Variants in PPP1R12A observed in about 807,000 individuals in gnomAD.
PPP1R12A encodes myosin binding subunit.
A neutral mutation model predicts 139.6 loss-of-function variants in PPP1R12A; 19 were observed. The observed-to-expected ratio is 0.14, with a 90% CI of 0.09 to 0.20. The LOEUF is 0.20. Among genes scored for constraint, PPP1R12A ranks in the 10% least tolerant of loss-of-function variants. PPP1R12A has a pLI of 1.00. For missense variants in PPP1R12A, 925 were observed against 1,211.5 expected (o/e 0.76, Z 3.51); for synonymous variants, 427 against 420.6 (o/e 1.02, Z -0.19).
chr12:79,838,223 G>T (rs142258831), intron 3 of PPP1R12A, among the ~76,000 whole-genome samples: 10 of 152,368 alleles, frequency 6.6e-5, no homozygotes, highest in African/African-American at 2.2e-4. Flanking sequence ...AAAGAGACCA[G>T]TGGCATTCTG....
At chr12:79,904,497 C>T (rs1485880023) in intron 1 of PPP1R12A, among the ~76,000 whole-genome samples, 1 of 152,052 alleles carries the variant, frequency 6.6e-6, no homozygotes, top group African/African-American at 2.4e-5. Flanking sequence ...GGTACTTTCA[C>T]ATATCCCTCT....
rs1448284123 is a variant in PPP1R12A at position 79,832,472 on chromosome 12, A to G, written c.507T>C (p.Ala169=). The G allele has an allele frequency of 7.5e-6, 12 of 1,607,368 alleles. No homozygotes were observed. The highest frequency in any genetic ancestry group is 9.3e-6 in the Non-Finnish European group (11 of 1,177,606). ...VNRQGVDIEA[A]RKEEERIMLR... The stretch of plus-strand genomic sequence containing the variant: ...GCATGATCCGTTCTTCTTCCTTTCG[A>G]GCTGCTTCTATATCAACCCCTGATA... The change falls in exon 4 of 25, where the codon GCT becomes GCC. Residue 169 remains alanine, a synonymous_variant. Transcript: ENST00000450142.
chr12:79,847,005 TA>T (rs1180435420), intron 2 of PPP1R12A, among the ~76,000 whole-genome samples: 4 of 152,112 alleles, frequency 2.6e-5, no homozygotes, highest in African/African-American at 9.7e-5. Context: ...TTCGACTATA[TA>T]AAAATATTCT....
At chr12:79,817,759 A>G (rs2137101491) in intron 8 of PPP1R12A, among the ~76,000 whole-genome samples, 1 of 152,344 alleles carries the variant, frequency 6.6e-6, no homozygotes, top group East Asian at 1.9e-4. Flanking sequence ...AATAAAATGC[A>G]CAAATAGAAT....
intron 1 of PPP1R12A, among the ~76,000 whole-genome samples, chr12:79,916,451 A>G (rs60403670): frequency 0.031 from 4,768 of 152,286 alleles, 247 homozygotes; most frequent in African/African-American, 0.11. Flanking sequence ...AGCATACTGT[A>G]TAAAACTGCT....
intron 3 of PPP1R12A, among the ~76,000 whole-genome samples, chr12:79,839,636 G>T (rs1196011337): frequency 2.6e-5 from 4 of 152,086 alleles, no homozygotes; most frequent in Admixed American, 2.0e-4. Flanking sequence ...GAGATCTGAC[G>T]GTTTTAAAAG....
intron 5 of PPP1R12A, among the ~76,000 whole-genome samples, chr12:79,826,700 T>C (rs972471812): frequency 1.4e-4 from 21 of 152,334 alleles, no homozygotes; most frequent in African/African-American, 5.1e-4. Flanking sequence ...AATTAGACAA[T>C]TGTTGGCCAG....
At chr12:79,935,155 C>T (rs1390265429), upstream of PPP1R12A, 4 of 1,343,440 alleles carry the variant, frequency 3.0e-6, no homozygotes, top group Non-Finnish European at 3.8e-6. Context: ...CCTCCCGCCC[C>T]CAGCACGGCC....
chr12:79,777,684 T>TA (rs1869904135), intron 24 of PPP1R12A: 1 of 958,552 alleles, frequency 1.0e-6, no homozygotes, highest in Admixed American at 6.2e-5. Context: ...GAAATAGGAA[T>TA]AAAAAATAAG....
At chr12:79,825,540 A>G (rs1176438895) in intron 5 of PPP1R12A, 2 of 152,032 alleles carry the variant, frequency 1.3e-5, no homozygotes, top group East Asian at 3.9e-4. Flanking sequence ...TGAAATCTCT[A>G]AATATTTTTA....
intron 9 of PPP1R12A, among the ~76,000 whole-genome samples, chr12:79,815,785 T>C (rs976174258): frequency 6.6e-6 from 1 of 152,170 alleles, no homozygotes; most frequent in Non-Finnish European, 1.5e-5. Flanking sequence ...CATACATAAT[T>C]ATTATCATAT....
intron 1 of PPP1R12A, among the ~76,000 whole-genome samples, chr12:79,926,091 G>A (rs1293063612): frequency 6.6e-6 from 1 of 151,900 alleles, no homozygotes; most frequent in Non-Finnish European, 1.5e-5. Context: ...GAACACTCAA[G>A]GATTTGTTTA....
chr12:79,811,193 A>C (rs999984137), intron 9 of PPP1R12A, among the ~76,000 whole-genome samples: 1 of 152,200 alleles, frequency 6.6e-6, no homozygotes, highest in African/African-American at 2.4e-5. Context: ...CATTTGCTAT[A>C]ATTAGCAGGT....
In PPP1R12A at chr12:79,807,428, A is replaced by G. The variant is rs1873965721; in HGVS notation, c.1551-98T>C. The G allele has an allele frequency of 5.4e-6, 4 of 735,258 alleles. No homozygotes were observed. The African/African-American group carries it at 5.4e-5, about 10-fold the overall frequency. 45.5% of individuals were successfully genotyped at this position (735,258 alleles called of 1,614,324 possible). A position where few individuals can be genotyped will look rare whatever the true frequency, so the allele number is the denominator to read the frequency against. ...ATATTAGTATAAGCTGAAACTAGTA[A>G]AAACCTTTGGGAGGACACTTAGGAA... On this transcript the variant is annotated intron_variant, in intron 11 of 24. Transcript: ENST00000450142.
rs765815920 is a variant in PPP1R12A at position 79,809,884 on chromosome 12, T to C, written c.1366A>G (p.Lys456Glu). The C allele has an allele frequency of 1.1e-5, 18 of 1,613,622 alleles. No homozygotes were observed. In the Admixed American group the frequency reaches 3.0e-4, roughly 27 times the overall value. Residue 456 changes from lysine to glutamate, a missense_variant, in exon 10 of 25, where the codon AAA becomes GAA. This residue lies in a region of PPP1R12A where 403 missense variants were observed against 463.7 expected (regional missense o/e 0.87). Transcript: ENST00000450142. ...GTATCTTTTTCTTTCTGACCCTCTTTAGATGCTGTGATTTCAGCAAGTGCA... is the reference window on the plus strand; with the variant it reads ...GTATCTTTTTCTTTCTGACCCTCTTCAGATGCTGTGATTTCAGCAAGTGCA... Reference protein sequence around the residue: ...YGALAEITASKEGQKEKDTAG... With the variant: ...YGALAEITASEEGQKEKDTAG...
chr12:79,849,942 G>A (rs1879851361), intron 2 of PPP1R12A, among the ~76,000 whole-genome samples: 1 of 151,890 alleles, frequency 6.6e-6, no homozygotes, highest in African/African-American at 2.4e-5. Context: ...AACTGCCTCG[G>A]CCTCCCTAGT....
chr12:79,797,773 C>T (rs1390501618), intron 15 of PPP1R12A, among the ~76,000 whole-genome samples: 2 of 151,872 alleles, frequency 1.3e-5, no homozygotes, highest in Admixed American at 6.6e-5. Context: ...AAAGAGATTT[C>T]GATAAATTTT....
At chr12:79,851,877 ATTC>A (rs1565778325) in intron 2 of PPP1R12A, among the ~76,000 whole-genome samples, 1 of 152,168 alleles carries the variant, frequency 6.6e-6, no homozygotes, top group African/African-American at 2.4e-5. Context: ...TTACTGAGTC[ATTC>A]TTCTATTTCC....
At chr12:79,834,364 C>T (rs906530744) in intron 3 of PPP1R12A, among the ~76,000 whole-genome samples, 3 of 152,044 alleles carry the variant, frequency 2.0e-5, no homozygotes, top group Non-Finnish European at 4.4e-5. Context: ...GGACAATGAG[C>T]GTGGTGACAC....
Sources: gnomAD v4.1 joint callset for allele counts (sites outside exome capture counted in the v4.1 genomes callset) on GRCh38, gnomAD v4.1.1 for gene constraint, gnomAD v4.1.1 regional missense constraint, MANE v1.5 for transcripts, NCBI Gene and HGNC (gene_info 2026-07-23, HGNC 2026-07-21) for gene names.